NME7: variants seen among roughly 807,000 people sequenced by gnomAD.
NME7 encodes NME/NM23 family member 7, also known as nucleoside diphosphate kinase 7.
Under a neutral mutation model 49.1 loss-of-function variants are expected in NME7, and 41 were observed. The observed-to-expected ratio is 0.83, with a 90% confidence interval of 0.65 to 1.08. The LOEUF (loss-of-function observed/expected upper bound fraction) is 1.08, where lower values mean the gene tolerates loss of function less well. Among genes scored for constraint, NME7 ranks in the 50% least tolerant of loss-of-function variants. The pLI is 0.00. For synonymous variants in NME7, 139 were observed against 150.6 expected (o/e 0.92, Z 0.56); for missense variants, 423 against 463.4 (o/e 0.91, Z 0.80).
At chr1:169,172,004 A>G (rs909676552) in intron 10 of NME7, among the ~76,000 whole-genome samples, 6 of 152,118 alleles carry the variant, frequency 3.9e-5, no homozygotes, top group Admixed American at 6.5e-5. Flanking sequence ...GGCTGTGGCT[A>G]AAAGTATCAA....
Position 169,275,183 on chromosome 1 carries a change from G to A in NME7, c.754+12120C>T, listed in dbSNP as rs553976989. ...AGTTCTCCTTGAAGAGGTCCTTCAC[G>A]TCCCTTATAAGTCGGATTCCTACGT... On this transcript the variant is annotated intron_variant, in intron 7 of 11. Transcript: ENST00000367811. Among the ~76,000 whole-genome samples the A allele has an allele frequency of 4.9e-4, 64 of 131,462 alleles. 15 individuals carry two copies. The highest frequency in any genetic ancestry group is 7.8e-3 in the Middle Eastern group (2 of 258). The allele number at this position is 131,462 out of a possible 152,430, so 86.2% of individuals were successfully genotyped here.
intron 10 of NME7, among the ~76,000 whole-genome samples, chr1:169,205,466 AG>A (rs1217068449): frequency 1.3e-5 from 2 of 152,160 alleles, no homozygotes; most frequent in East Asian, 3.9e-4. Context: ...CTAGGCTCTG[AG>A]AAAAGTAAGA....
chr1:169,348,879 AAAAG>A (rs767464642), intron 1 of NME7, among the ~76,000 whole-genome samples: 73 of 129,788 alleles, frequency 5.6e-4, no homozygotes, highest in Non-Finnish European at 1.1e-3. Flanking sequence ...ACATAAAAGC[AAAAG>A]AAAGAGTTAA....
At chr1:169,307,378 A>G (rs1380793768) in intron 4 of NME7, among the ~76,000 whole-genome samples, 3 of 152,220 alleles carry the variant, frequency 2.0e-5, no homozygotes, top group Non-Finnish European at 2.9e-5. Context: ...ATTTGTGTTC[A>G]GAAGACTATG....
At chr1:169,342,835 TACATATATATATA>T (rs1310999915) in intron 1 of NME7, among the ~76,000 whole-genome samples, 7 of 64,822 alleles carry the variant, frequency 1.1e-4, no homozygotes, top group East Asian at 1.2e-3. Context: ...TATATACAAG[TACATATATATATA>T]GTATATATAT....
intron 7 of NME7, among the ~76,000 whole-genome samples, chr1:169,248,751 T>C (rs1648427829): frequency 6.6e-6 from 1 of 152,110 alleles, no homozygotes; most frequent in African/African-American, 2.4e-5. Context: ...TTCCTCAGCC[T>C]GTGTTTCTCT....
intron 10 of NME7, among the ~76,000 whole-genome samples, chr1:169,222,673 A>T (rs2101808169): frequency 6.6e-6 from 1 of 152,304 alleles, no homozygotes; most frequent in South Asian, 2.1e-4. Flanking sequence ...TAAACAATAT[A>T]ATCTATTTCT....
intron 11 of NME7, among the ~76,000 whole-genome samples, chr1:169,161,370 A>C: frequency 6.6e-6 from 1 of 152,180 alleles, no homozygotes; most frequent in East Asian, 1.9e-4. Context: ...ACTAAAGATA[A>C]ATTATGAGTG....
intron 1 of NME7, among the ~76,000 whole-genome samples, chr1:169,324,846 AGACT>A (rs1651999830): frequency 6.6e-6 from 1 of 152,250 alleles, no homozygotes; most frequent in South Asian, 2.1e-4. Context: ...GTTTACATAC[AGACT>A]ATCAATAAAC....
chr1:169,240,980 C>G (rs1343793262), intron 7 of NME7, among the ~76,000 whole-genome samples: 1 of 152,060 alleles, frequency 6.6e-6, no homozygotes, highest in Non-Finnish European at 1.5e-5. Flanking sequence ...ATACCCAAGT[C>G]TGAATAAGCA....
chr1:169,142,758 G>C (rs1240744746), intron 11 of NME7, among the ~76,000 whole-genome samples: 1 of 152,174 alleles, frequency 6.6e-6, no homozygotes, highest in African/African-American at 2.4e-5. Flanking sequence ...GTTAGTGCAG[G>C]AAAGGGGTTT....
At chr1:169,168,473 T>G (rs975919567) in intron 11 of NME7, among the ~76,000 whole-genome samples, 1 of 151,808 alleles carries the variant, frequency 6.6e-6, no homozygotes, top group Non-Finnish European at 1.5e-5. Flanking sequence ...CAGGGTGGAG[T>G]TCAGGGGCTA....
intron 11 of NME7, among the ~76,000 whole-genome samples, chr1:169,159,892 A>G (rs1193121575): frequency 1.3e-5 from 2 of 152,154 alleles, no homozygotes; most frequent in Admixed American, 1.3e-4. Flanking sequence ...GAAAGACTTC[A>G]GAATTTGAGT....
At chr1:169,254,437 A>G (rs1171324806) in intron 7 of NME7, among the ~76,000 whole-genome samples, 1 of 151,804 alleles carries the variant, frequency 6.6e-6, no homozygotes, top group Non-Finnish European at 1.5e-5. Flanking sequence ...TATTGCGTCT[A>G]TTAGATTCTT....
chr1:169,231,867 TAGGTGCC>T (rs1227512084), intron 9 of NME7, among the ~76,000 whole-genome samples: 1 of 152,162 alleles, frequency 6.6e-6, no homozygotes, highest in African/African-American at 2.4e-5. Flanking sequence ...GTGATTTAAC[TAGGTGCC>T]AGACCAAAAT....
intron 10 of NME7, among the ~76,000 whole-genome samples, chr1:169,175,191 A>T (rs943172655): frequency 6.6e-6 from 1 of 152,030 alleles, no homozygotes; most frequent in Admixed American, 6.5e-5. Flanking sequence ...GCCTAGGCTT[A>T]TGCAGGGTCA....
At chr1:169,241,240 CT>C (rs1381728614) in intron 7 of NME7, among the ~76,000 whole-genome samples, 8 of 151,782 alleles carry the variant, frequency 5.3e-5, no homozygotes, top group East Asian at 1.9e-4. Context: ...CTAAGTATGG[CT>C]TTTTTTTCCC....
chr1:169,138,959 C>T (rs1019012772), intron 11 of NME7, among the ~76,000 whole-genome samples: 2 of 152,174 alleles, frequency 1.3e-5, no homozygotes, highest in African/African-American at 4.8e-5. Flanking sequence ...TGTTTCATGA[C>T]TCATCATTAT....
chr1:169,143,273 C>CTTTTT (rs71299493), intron 11 of NME7, among the ~76,000 whole-genome samples: 21,049 of 95,788 alleles, frequency 0.22, 2,498 homozygotes, highest in Non-Finnish European at 0.3. Flanking sequence ...TCACCTCAGG[C>CTTTTT]TTTTTTTTTT....
Sources: gnomAD v4.1 joint callset for allele counts (sites outside exome capture counted in the v4.1 genomes callset) on GRCh38, gnomAD v4.1.1 for gene constraint, MANE v1.5 for transcripts, NCBI Gene and HGNC (gene_info 2026-07-23, HGNC 2026-07-21) for gene names.